The following TMEFF2 variants were observed in gnomAD, a reference collection of about 807,000 sequenced individuals.
The protein encoded by TMEFF2 is tomoregulin-2.
In TMEFF2, 28 loss-of-function variants were observed where a neutral mutation model predicts 53.8. The observed-to-expected ratio is 0.52, with a 90% CI of 0.39 to 0.71. The LOEUF is 0.71. Among genes scored for constraint, TMEFF2 ranks in the 30% least tolerant of loss-of-function variants. The probability of loss-of-function intolerance (pLI) is 0.00; values close to 1 mark genes in which losing one functional copy is unlikely to be tolerated. For missense variants in TMEFF2, 353 were observed against 455.2 expected (o/e 0.78, Z 2.04); for synonymous variants, 162 against 166.3 (o/e 0.97, Z 0.20).
At chr2:192,142,366 C>T (rs1467451003) in intron 4 of TMEFF2, among the ~76,000 whole-genome samples, 1 of 151,806 alleles carries the variant, frequency 6.6e-6, no homozygotes, top group African/African-American at 2.4e-5. Flanking sequence ...GAAGATGACA[C>T]CATTTTTTTT....
chr2:191,950,810 T>C (rs1419924048), intron 9 of TMEFF2, among the ~76,000 whole-genome samples: 1 of 152,196 alleles, frequency 6.6e-6, no homozygotes, highest in Non-Finnish European at 1.5e-5. Context: ...TGTTATGAGT[T>C]TAAATCCTAT....
chr2:192,004,635 C>T lies in TMEFF2; in HGVS notation c.537-5427G>A, dbSNP rs527323334. ...GTCTCTAAATAAATAATTAAAAATA[C>T]GTTTTGAAGATTAAAAAAGAAAAAG... On this transcript the variant is annotated intron_variant, in intron 5 of 9. Transcript: ENST00000272771. 9.2e-5 allele frequency among the ~76,000 whole-genome samples: 14 copies of T among 151,890 alleles called. No homozygotes were observed. In the South Asian group the frequency reaches 1.7e-3, roughly 18 times the overall value.
intron 4 of TMEFF2, among the ~76,000 whole-genome samples, chr2:192,069,529 C>A (rs1688238319): frequency 6.7e-6 from 1 of 150,354 alleles, no homozygotes; most frequent in Non-Finnish European, 1.5e-5. Context: ...GAAAACAAAC[C>A]AAAAAAAACC....
chr2:191,982,333 A>C (rs1452887121), intron 7 of TMEFF2, among the ~76,000 whole-genome samples: 1 of 152,144 alleles, frequency 6.6e-6, no homozygotes, highest in Non-Finnish European at 1.5e-5. Flanking sequence ...GTTATGGTCA[A>C]ATGTAATACC....
At chr2:192,162,316 T>TA (rs1425307189) in intron 4 of TMEFF2, among the ~76,000 whole-genome samples, 3 of 152,148 alleles carry the variant, frequency 2.0e-5, no homozygotes, top group Admixed American at 6.5e-5. Flanking sequence ...ATTTATGGAT[T>TA]AAAAAATTTG....
intron 4 of TMEFF2, among the ~76,000 whole-genome samples, chr2:192,098,354 C>T (rs985791710): frequency 2.1e-4 from 32 of 152,074 alleles, no homozygotes; most frequent in African/African-American, 7.7e-4. Flanking sequence ...CCAATATTTT[C>T]AAAGTAATTG....
intron 7 of TMEFF2, among the ~76,000 whole-genome samples, chr2:191,961,078 T>C (rs2105792187): frequency 6.6e-6 from 1 of 152,284 alleles, no homozygotes; most frequent in East Asian, 1.9e-4. Context: ...AGAGATATTA[T>C]TTATATATAT....
chr2:192,147,083 C>T (rs2105996058), intron 4 of TMEFF2, among the ~76,000 whole-genome samples: 1 of 152,128 alleles, frequency 6.6e-6, no homozygotes, highest in South Asian at 2.1e-4. Context: ...TTTCTTGGGT[C>T]ACTCTTCTTT....
chr2:192,015,524 C>T (rs192207481), intron 5 of TMEFF2, among the ~76,000 whole-genome samples: 17 of 151,902 alleles, frequency 1.1e-4, no homozygotes, highest in African/African-American at 3.1e-4. Context: ...ATCATATTCA[C>T]GATGTTTTTA....
chr2:192,055,351 C>T (rs1667127129), intron 5 of TMEFF2, among the ~76,000 whole-genome samples: 1 of 152,086 alleles, frequency 6.6e-6, no homozygotes, highest in Non-Finnish European at 1.5e-5. Context: ...AATTCTGATT[C>T]ATTAATTTTG....
At chr2:192,065,201 C>T (rs1688138573) in intron 4 of TMEFF2, among the ~76,000 whole-genome samples, 1 of 151,630 alleles carries the variant, frequency 6.6e-6, no homozygotes, top group Non-Finnish European at 1.5e-5. Context: ...TGGCTTTCTC[C>T]CAATGTAACG....
intron 7 of TMEFF2, among the ~76,000 whole-genome samples, chr2:191,982,855 A>G (rs1216405422): frequency 2.0e-5 from 3 of 152,104 alleles, no homozygotes; most frequent in African/African-American, 7.2e-5. Context: ...GTGTGTTTTA[A>G]CCTCTTAGAA....
At chr2:192,081,781 T>C (rs747942057) in intron 4 of TMEFF2, among the ~76,000 whole-genome samples, 1 of 150,696 alleles carries the variant, frequency 6.6e-6, no homozygotes, top group Non-Finnish European at 1.5e-5. Flanking sequence ...TGAGGTACCA[T>C]AATTATTAAA....
chr2:192,145,278 G>C (rs765418141), intron 4 of TMEFF2, among the ~76,000 whole-genome samples: 3 of 151,806 alleles, frequency 2.0e-5, no homozygotes, highest in Non-Finnish European at 2.9e-5. Context: ...TTCTGATTAT[G>C]TATTCTATAA....
chr2:191,999,309 G>C (rs896643948), intron 5 of TMEFF2, 101 bp from the exon 6 acceptor site: 1 of 1,074,168 alleles, frequency 9.3e-7, no homozygotes, highest in African/African-American at 1.6e-5. Context: ...CAAAATGCAA[G>C]TTGGCAAAAT....
At chr2:192,013,898 A>G (rs1163774241) in intron 5 of TMEFF2, among the ~76,000 whole-genome samples, 1 of 152,212 alleles carries the variant, frequency 6.6e-6, no homozygotes, top group Non-Finnish European at 1.5e-5. Flanking sequence ...ATATTTGTTG[A>G]AAAAATGAAT....
At chr2:192,043,259 A>G (rs1302062549) in intron 5 of TMEFF2, among the ~76,000 whole-genome samples, 1 of 152,168 alleles carries the variant, frequency 6.6e-6, no homozygotes, top group South Asian at 2.1e-4. Flanking sequence ...AGTCTAGCCT[A>G]CATCATAAAA....
intron 7 of TMEFF2, among the ~76,000 whole-genome samples, chr2:191,971,408 T>C (rs541962275): frequency 4.2e-4 from 64 of 152,318 alleles, no homozygotes; most frequent in South Asian, 2.7e-3. Flanking sequence ...AGAATTGGGC[T>C]TATAGGGAGC....
chr2:191,999,189 A>T lies in TMEFF2; in HGVS notation c.556T>A (p.Cys186Ser). 1 of 1,610,084 alleles carries T rather than the reference A, an allele frequency of 6.2e-7. No individual in the cohort carries two copies. Among genetic ancestry groups the T allele is most frequent in the Non-Finnish European group, 8.5e-7 (1 of 1,177,150 alleles). Residue 186 changes from cysteine (C) to serine (S), a missense_variant, in exon 6 of 10, where the codon TGT becomes AGT. By Grantham distance (112) the Cys-to-Ser change is moderately radical. Coordinates refer to ENST00000272771, the MANE Select transcript of TMEFF2 (RefSeq NM_016192.4). ...AGGGGATTGAAGTTGGTTTGAGAAC[A>T]GTCAATATTACACACACACCTAAAA... ...EDVWCVCNID[C>S]SQTNFNPLCA...
Sources: allele counts gnomAD v4.1 joint callset (sites outside exome capture counted in the v4.1 genomes callset), GRCh38; gene constraint gnomAD v4.1.1; transcripts MANE v1.5; gene names NCBI Gene and HGNC (gene_info 2026-07-23, HGNC 2026-07-21).